Variants in ABI1 observed in about 807,000 individuals in gnomAD.
ABI1 encodes abl interactor 1.
ABI1 carries 14 observed loss-of-function variants against 54.6 expected under a neutral mutation model. That is an observed-to-expected ratio of 0.26 (90% confidence interval 0.17 to 0.40). The LOEUF is 0.40. Among genes scored for constraint, ABI1 ranks in the 10% least tolerant of loss-of-function variants. ABI1 has a pLI of 1.00. For missense variants in ABI1, 443 were observed against 598.3 expected (o/e 0.74, Z 2.71); for synonymous variants, 194 against 209.3 (o/e 0.93, Z 0.63).
At chr10:26,782,587 G>A (rs999884792) in intron 2 of ABI1, among the ~76,000 whole-genome samples, 1 of 152,082 alleles carries the variant, frequency 6.6e-6, no homozygotes, top group Non-Finnish European at 1.5e-5. Context: ...GCTGGGCATG[G>A]TGGTGTGTGC....
At chr10:26,756,132 TTG>T (rs1409667117) in intron 8 of ABI1, among the ~76,000 whole-genome samples, 1 of 152,208 alleles carries the variant, frequency 6.6e-6, no homozygotes, top group African/African-American at 2.4e-5. Context: ...TTCCAGAATA[TTG>T]TGTCTTTGCC....
intron 2 of ABI1, among the ~76,000 whole-genome samples, chr10:26,786,466 C>A (rs1222403006): frequency 6.6e-6 from 1 of 151,926 alleles, no homozygotes; most frequent in Non-Finnish European, 1.5e-5. Context: ...GTGATTTGCC[C>A]GCCTCGGCCT....
intron 1 of ABI1, among the ~76,000 whole-genome samples, chr10:26,839,964 G>A (rs147893891): frequency 6.6e-6 from 1 of 151,936 alleles, no homozygotes; most frequent in South Asian, 2.1e-4. Context: ...CACTCCAGCC[G>A]GGGTGACATA....
At chr10:26,835,850 A>C (rs2049032521) in intron 1 of ABI1, among the ~76,000 whole-genome samples, 1 of 151,470 alleles carries the variant, frequency 6.6e-6, no homozygotes, top group Admixed American at 6.6e-5. Flanking sequence ...GCAGCCTTGA[A>C]ATCCTGGGCT....
At chr10:26,822,530 T>C (rs1329125880) in intron 2 of ABI1, among the ~76,000 whole-genome samples, 1 of 150,896 alleles carries the variant, frequency 6.6e-6, no homozygotes, top group Non-Finnish European at 1.5e-5. Context: ...AATAAAAGAG[T>C]GAACTACTTT....
At chr10:26,768,766 C>T (rs571617395) in intron 6 of ABI1, 86 bp downstream of exon 6, 4 of 1,163,664 alleles carry the variant, frequency 3.4e-6, no homozygotes, top group Admixed American at 5.0e-5. Flanking sequence ...TGGCACCTCA[C>T]CTTTACTCAG....
At chr10:26,831,679 A>AC (rs2048686671) in intron 1 of ABI1, among the ~76,000 whole-genome samples, 1 of 152,170 alleles carries the variant, frequency 6.6e-6, no homozygotes, top group Non-Finnish European at 1.5e-5. Flanking sequence ...CCCAATCCTG[A>AC]CCCTTTTCTC....
At chr10:26,850,864 G>A (rs991291693) in intron 1 of ABI1, among the ~76,000 whole-genome samples, 3 of 152,064 alleles carry the variant, frequency 2.0e-5, no homozygotes, top group African/African-American at 7.2e-5. Context: ...CTAATCTAGA[G>A]ATTTAGATGG....
At chr10:26,759,899 AG>A (rs1244856060) in intron 7 of ABI1, among the ~76,000 whole-genome samples, 1 of 152,076 alleles carries the variant, frequency 6.6e-6, no homozygotes. Context: ...GATTTGTTGT[AG>A]ATCTCCAAAG....
At chr10:26,855,114 A>AG (rs199756609) in intron 1 of ABI1, among the ~76,000 whole-genome samples, 1 of 151,994 alleles carries the variant, frequency 6.6e-6, no homozygotes, top group East Asian at 1.9e-4. Context: ...TCCAAAATTC[A>AG]AAAAAAAATC....
chr10:26,817,227 T>C (rs1345989311), intron 2 of ABI1, among the ~76,000 whole-genome samples: 1 of 152,092 alleles, frequency 6.6e-6, no homozygotes, highest in Non-Finnish European at 1.5e-5. Context: ...CTCAAACTCC[T>C]GACCTCAAAT....
intron 9 of ABI1, among the ~76,000 whole-genome samples, chr10:26,753,535 T>C (rs1220623338): frequency 6.6e-6 from 1 of 152,224 alleles, no homozygotes; most frequent in Non-Finnish European, 1.5e-5. Context: ...TCTTGGTTAA[T>C]CTAATTCTCT....
At chr10:26,784,058 G>T (rs1288079608) in intron 2 of ABI1, among the ~76,000 whole-genome samples, 2 of 152,142 alleles carry the variant, frequency 1.3e-5, no homozygotes, top group African/African-American at 4.8e-5. Flanking sequence ...CACCTTAGAT[G>T]CGGGGAAGTA....
chr10:26,793,598 G>A (rs927208723), intron 2 of ABI1, among the ~76,000 whole-genome samples: 27 of 152,026 alleles, frequency 1.8e-4, no homozygotes, highest in Non-Finnish European at 2.5e-4. Flanking sequence ...TCTCCTCCTC[G>A]CCTGCTTAAT....
At chr10:26,832,410 A>G (rs7082828) in intron 1 of ABI1, among the ~76,000 whole-genome samples, 43,001 of 151,510 alleles carry the variant, frequency 0.28, 7,614 homozygotes, top group African/African-American at 0.49. Context: ...ATGAAACCCT[A>G]TCTCTATTAA....
At chr10:26,778,802 A>G (rs1232666531) in intron 2 of ABI1, among the ~76,000 whole-genome samples, 2 of 152,166 alleles carry the variant, frequency 1.3e-5, no homozygotes, top group African/African-American at 4.8e-5. Flanking sequence ...ACTGTCCAAT[A>G]TAATAAAGTT....
intron 2 of ABI1, among the ~76,000 whole-genome samples, chr10:26,796,015 G>T (rs764469045): frequency 1.3e-5 from 2 of 152,032 alleles, no homozygotes; most frequent in African/African-American, 2.4e-5. Flanking sequence ...CAAAAGCTTC[G>T]TAGGTCTAAG....
At chr10:26,847,567 T>A (rs1439671588) in intron 1 of ABI1, among the ~76,000 whole-genome samples, 1 of 151,866 alleles carries the variant, frequency 6.6e-6, no homozygotes, top group Admixed American at 6.6e-5. Flanking sequence ...GAGGCTGCAG[T>A]GAGCTGAGAT....
chr10:26,763,990 A>G (rs760429761), intron 7 of ABI1: 1 of 1,547,462 alleles, frequency 6.5e-7, no homozygotes, highest in Non-Finnish European at 8.8e-7. Flanking sequence ...TTCAGGTCAG[A>G]GTACAAGAAA....
Sources: gnomAD v4.1 joint callset for allele counts (sites outside exome capture counted in the v4.1 genomes callset) on GRCh38, gnomAD v4.1.1 for gene constraint, MANE v1.5 for transcripts, NCBI Gene and HGNC (gene_info 2026-07-23, HGNC 2026-07-21) for gene names.